RNFT2: variants seen among roughly 807,000 people sequenced by gnomAD.
RNFT2 encodes ring finger protein, transmembrane 2.
A neutral mutation model predicts 53.0 loss-of-function variants in RNFT2; 36 were observed. The ratio of observed to expected loss-of-function variants is 0.68; its 90% CI spans 0.52 to 0.90. The LOEUF (loss-of-function observed/expected upper bound fraction) is 0.90. Ranked by LOEUF, RNFT2 falls within the 40% of genes least tolerant of loss-of-function variation. The probability of loss-of-function intolerance (pLI) is 0.00; values close to 1 mark genes in which losing one functional copy is unlikely to be tolerated. For synonymous variants in RNFT2, 260 were observed against 253.2 expected (o/e 1.03, Z -0.26); for missense variants, 514 against 585.6 (o/e 0.88, Z 1.26).
chr12:116,773,691 T>C (rs1217624766), intron 6 of RNFT2, among the ~76,000 whole-genome samples: 1 of 152,180 alleles, frequency 6.6e-6, no homozygotes, highest in Non-Finnish European at 1.5e-5. Context: ...TGGAAGAATC[T>C]GTAGAGGGTG....
chr12:116,813,765 C>T (rs1875502260), intron 7 of RNFT2, among the ~76,000 whole-genome samples: 1 of 152,210 alleles, frequency 6.6e-6, no homozygotes, highest in African/African-American at 2.4e-5. Flanking sequence ...ACTATATTTT[C>T]TCTGAAGCAG....
At chr12:116,829,112 T>C (rs1876500169) in intron 7 of RNFT2, among the ~76,000 whole-genome samples, 1 of 151,418 alleles carries the variant, frequency 6.6e-6, no homozygotes. Context: ...GTGAGAGCAA[T>C]TTGGGAGACA....
chr12:116,781,068 T>C (rs1176948090), intron 7 of RNFT2, among the ~76,000 whole-genome samples: 2 of 152,210 alleles, frequency 1.3e-5, no homozygotes, highest in African/African-American at 4.8e-5. Flanking sequence ...GCTCTGCACA[T>C]AGTAATTGCT....
At chr12:116,740,970 C>A in intron 2 of RNFT2, 66 bp from the exon 3 acceptor site, 1 of 1,419,262 alleles carries the variant, frequency 7.0e-7, no homozygotes, top group Non-Finnish European at 9.8e-7. Context: ...TTTACAATTA[C>A]CTTGGCAATC....
Position 116,851,827 on chromosome 12 carries a change from T to TG in RNFT2, c.*2381dup, listed in dbSNP as rs780844973. Reference sequence around the variant, plus strand: ...AGAAAGGTCAGCTTTGGCCCAGATGTGGTTACCCCTTGGTCTCCTGTCTTT... The same window carrying TG: ...AGAAAGGTCAGCTTTGGCCCAGATGTGGGTTACCCCTTGGTCTCCTGTCTTT... On this transcript the variant is annotated 3_prime_UTR_variant, in exon 11 of 11. Transcript: ENST00000257575. 5.6e-4 allele frequency: 696 copies of TG among 1,235,484 alleles called. 2 individuals are homozygous for TG. Among genetic ancestry groups the TG allele is most frequent in the Non-Finnish European group, 6.2e-4 (538 of 871,780 alleles). 76.5% of individuals were successfully genotyped at this position (1,235,484 alleles called of 1,614,324 possible).
At chr12:116,839,377 T>C (rs1181073960) in intron 10 of RNFT2, among the ~76,000 whole-genome samples, 2 of 115,440 alleles carry the variant, frequency 1.7e-5, no homozygotes, top group Admixed American at 1.1e-4. Context: ...ATTAATAGGA[T>C]GGTTGGGTGG....
intron 7 of RNFT2, among the ~76,000 whole-genome samples, chr12:116,807,140 G>A (rs1875123534): frequency 6.6e-6 from 1 of 152,138 alleles, no homozygotes; most frequent in South Asian, 2.1e-4. Flanking sequence ...AAGAGGAAGG[G>A]GAGAAGGAAT....
At chr12:116,747,529 C>A (rs1324976864) in intron 3 of RNFT2, among the ~76,000 whole-genome samples, 1 of 151,978 alleles carries the variant, frequency 6.6e-6, no homozygotes, top group Non-Finnish European at 1.5e-5. Flanking sequence ...CCCCGTCTCA[C>A]TCTGTGGATA....
At chr12:116,779,442 T>C (rs1873592303) in intron 7 of RNFT2, 94 bp downstream of exon 7, 1 of 1,313,842 alleles carries the variant, frequency 7.6e-7, no homozygotes, top group African/African-American at 1.5e-5. Context: ...TGGATGAGGG[T>C]GGACTGATGT....
chr12:116,781,784 G>A (rs942379963), intron 7 of RNFT2, among the ~76,000 whole-genome samples: 14 of 152,106 alleles, frequency 9.2e-5, no homozygotes, highest in African/African-American at 3.1e-4. Context: ...AGGCATTAAG[G>A]TGTGGACATC....
chr12:116,770,760 T>C (rs546242692), intron 6 of RNFT2, among the ~76,000 whole-genome samples: 76 of 152,244 alleles, frequency 5.0e-4, no homozygotes, highest in African/African-American at 1.7e-3. Context: ...GGTTTCTCCA[T>C]GTTGCCCAGG....
chr12:116,832,259 A>G (rs986273608), intron 7 of RNFT2, among the ~76,000 whole-genome samples: 13 of 149,870 alleles, frequency 8.7e-5, no homozygotes, highest in African/African-American at 3.2e-4. Flanking sequence ...TCTGATTTCT[A>G]TTATCTCAGA....
Position 116,841,980 on chromosome 12 carries a change from GA to G in RNFT2, c.1200+5699del, listed in dbSNP as rs1192357485. Among the ~76,000 whole-genome samples, 60 of 135,198 alleles carry G rather than the reference GA, an allele frequency of 4.4e-4. 3 individuals are homozygous for G. Among genetic ancestry groups the G allele is most frequent in the African/African-American group, 1.7e-3 (59 of 35,344 alleles). 88.7% of individuals were successfully genotyped at this position (135,198 alleles called of 152,430 possible). The stretch of plus-strand genomic sequence containing the variant: ...ATATAGAGAGAGAGAGAGAGAGAGA[GA>G]GAGAGGGAGGATCCAGGTACAACTT... On this transcript the variant is annotated intron_variant, in intron 10 of 10. Transcript: ENST00000257575.
At chr12:116,820,754 C>T (rs180984976) in intron 7 of RNFT2, among the ~76,000 whole-genome samples, 147 of 152,260 alleles carry the variant, frequency 9.7e-4, no homozygotes, top group African/African-American at 3.0e-3. Flanking sequence ...CTAGCAACTT[C>T]GAACAACATA....
chr12:116,851,749 A>G lies in RNFT2; in HGVS notation c.*2301A>G. 1.3e-6 allele frequency: 1 copy of G among 751,718 alleles called. No individual in the cohort carries two copies. The highest frequency in any genetic ancestry group is 2.3e-6 in the Non-Finnish European group (1 of 433,512). The allele number at this position is 751,718 out of a possible 1,614,324, so 46.6% of individuals were successfully genotyped here. On this transcript the variant is annotated 3_prime_UTR_variant, in exon 11 of 11. Transcript: ENST00000257575. ...GAGTGAGTGAGACTCTGTCTAAAAA[A>G]AAAAAGAAAGAAAGAAGGGAGGGAG...
In RNFT2 at chr12:116,779,188, C is replaced by G; in HGVS notation, c.729-7C>G. ...GAACCTTCTGACTCTCTCAATCCTC[C>G]CCCCAGCCTCATATTCCTGAAGCCC... On this transcript the variant is annotated splice_polypyrimidine_tract_variant and splice_region_variant and intron_variant, in intron 6 of 10. Transcript: ENST00000257575. 1 of 1,613,906 alleles carries G rather than the reference C, an allele frequency of 6.2e-7. No individual in the cohort carries two copies. Among genetic ancestry groups the G allele is most frequent in the Non-Finnish European group, 8.5e-7 (1 of 1,179,828 alleles).
At chr12:116,770,979 T>C (rs759755039) in intron 6 of RNFT2, among the ~76,000 whole-genome samples, 3 of 152,178 alleles carry the variant, frequency 2.0e-5, no homozygotes, top group Non-Finnish European at 2.9e-5. Context: ...TTAGTAACAT[T>C]TTGCTGAAAC....
Position 116,784,210 on chromosome 12 carries a change from G to C in RNFT2, c.882+4862G>C, listed in dbSNP as rs1259612693. Among the ~76,000 whole-genome samples, 3 of 152,240 alleles carry C rather than the reference G, an allele frequency of 2.0e-5. No individual in the cohort carries two copies. The East Asian group carries it at 5.8e-4, about 29-fold the overall frequency. On this transcript the variant is annotated intron_variant, in intron 7 of 10. Transcript: ENST00000257575. ...ATTCACTTCTGTAAGTAGACTCAGA[G>C]ATGAGAGTACAAAGCTAGACCAAGG...
Position 116,852,309 on chromosome 12 carries a change from C to T in RNFT2, c.*2861C>T, listed in dbSNP as rs1877966136. ...CCACCTCGCTGTCAGCCAGTATTAA[C>T]ATGTCCCCTTCCCCCTGCCCCGCCG... is the stretch of plus-strand genomic sequence containing the variant. On this transcript the variant is annotated 3_prime_UTR_variant, in exon 11 of 11. Coordinates refer to ENST00000257575, the MANE Select transcript of RNFT2 (RefSeq NM_001382266.1). 8.0e-7 allele frequency: 1 copy of T among 1,254,408 alleles called. No homozygotes were observed. Among genetic ancestry groups the T allele is most frequent in the Non-Finnish European group, 1.0e-6 (1 of 994,288 alleles). The allele number at this position is 1,254,408 out of a possible 1,614,324, so 77.7% of individuals were successfully genotyped here.
Sources: allele counts gnomAD v4.1 joint callset (sites outside exome capture counted in the v4.1 genomes callset), GRCh38; gene constraint gnomAD v4.1.1; transcripts MANE v1.5; gene names NCBI Gene and HGNC (gene_info 2026-07-23, HGNC 2026-07-21).